The following MAGI3 variants were observed in gnomAD, a reference collection of about 807,000 sequenced individuals.
The protein encoded by MAGI3 is membrane-associated guanylate kinase, WW and PDZ domain-containing protein 3.
MAGI3 carries 43 observed loss-of-function variants against 121.8 expected under a neutral mutation model. That is an observed-to-expected ratio of 0.35 (90% CI 0.28 to 0.46). The LOEUF (loss-of-function observed/expected upper bound fraction) is 0.46. Ranked by LOEUF, MAGI3 falls within the 20% of genes least tolerant of loss-of-function variation. The probability of loss-of-function intolerance (pLI) is 1.00; values close to 1 mark genes in which losing one functional copy is unlikely to be tolerated. For missense variants in MAGI3, 1,547 were observed against 1,797.3 expected, an observed-to-expected ratio of 0.86 and a Z score of 2.52; for synonymous variants, 553 against 639.3, an observed-to-expected ratio of 0.86 and a Z score of 2.04.
At chr1:113,607,100 T>G (rs1649820582) in intron 6 of MAGI3, among the ~76,000 whole-genome samples, 1 of 152,170 alleles carries the variant, frequency 6.6e-6, no homozygotes, top group South Asian at 2.1e-4. Context: ...TTCTCTCTCT[T>G]TAATACATCT....
intron 9 of MAGI3, among the ~76,000 whole-genome samples, chr1:113,632,260 G>T (rs1202218078): frequency 1.3e-5 from 2 of 152,040 alleles, no homozygotes; most frequent in Admixed American, 1.3e-4. Context: ...TTTGTTTTCA[G>T]TTTTGACCTT....
intron 1 of MAGI3, among the ~76,000 whole-genome samples, chr1:113,416,426 A>G (rs1167342249): frequency 2.4e-5 from 3 of 123,158 alleles, no homozygotes; most frequent in Non-Finnish European, 4.9e-5. Context: ...ATAATTAATA[A>G]TATATATTAA....
intron 1 of MAGI3, among the ~76,000 whole-genome samples, chr1:113,491,144 G>A (rs945385054): frequency 6.6e-6 from 1 of 152,132 alleles, no homozygotes; most frequent in African/African-American, 2.4e-5. Flanking sequence ...ACACTCCTCA[G>A]TAAATGCAAA....
intron 1 of MAGI3, among the ~76,000 whole-genome samples, chr1:113,458,987 TA>T (rs1193361915): frequency 6.6e-6 from 1 of 152,198 alleles, no homozygotes; most frequent in Non-Finnish European, 1.5e-5. Context: ...TGAAGACACA[TA>T]CATATTCAAA....
intron 2 of MAGI3, among the ~76,000 whole-genome samples, chr1:113,563,969 G>A (rs1446432531): frequency 6.6e-6 from 1 of 152,168 alleles, no homozygotes; most frequent in Non-Finnish European, 1.5e-5. Flanking sequence ...TTCCAAGTTT[G>A]TTCCTTATTT....
At chr1:113,553,077 T>C (rs1415784190) in intron 2 of MAGI3, among the ~76,000 whole-genome samples, 2 of 152,066 alleles carry the variant, frequency 1.3e-5, no homozygotes, top group Non-Finnish European at 2.9e-5. Context: ...AGCAACAACG[T>C]TGAAAAAAGA....
At chr1:113,487,053 A>C (rs967296954) in intron 1 of MAGI3, among the ~76,000 whole-genome samples, 1 of 152,156 alleles carries the variant, frequency 6.6e-6, no homozygotes. Flanking sequence ...TTTCTTGTCA[A>C]GTTTTCTTTT....
Position 113,390,923 on chromosome 1 carries a change from C to G in MAGI3, c.-111C>G, listed in dbSNP as rs922870674. 1.3e-6 allele frequency: 1 copy of G among 799,998 alleles called. No individual in the cohort carries two copies. The highest frequency in any genetic ancestry group is 1.8e-5 in the African/African-American group (1 of 54,596). The allele number at this position is 799,998 out of a possible 1,614,324, so 49.6% of individuals were successfully genotyped here. On this transcript the variant is annotated 5_prime_UTR_variant, in exon 1 of 21. Coordinates refer to ENST00000307546, the MANE Select transcript of MAGI3 (RefSeq NM_001142782.2). ...CGGGGTGGGGGCCGGAGCGGCGAGG[C>G]CCCCCTTACCGGGCTGCGCGGGCCG...
chr1:113,581,195 C>T (rs1648001526), intron 3 of MAGI3: 1 of 152,068 alleles, frequency 6.6e-6, no homozygotes, highest in Admixed American at 6.6e-5. Context: ...ATCTATTTTT[C>T]CCCTTATGTA....
At chr1:113,517,128 A>T (rs568012111) in intron 1 of MAGI3, among the ~76,000 whole-genome samples, 1 of 152,034 alleles carries the variant, frequency 6.6e-6, no homozygotes, top group South Asian at 2.1e-4. Context: ...GGGAAAAAAA[A>T]CTTTAGGTAA....
intron 1 of MAGI3, among the ~76,000 whole-genome samples, chr1:113,426,510 T>G (rs1653015472): frequency 1.3e-5 from 2 of 152,220 alleles, no homozygotes; most frequent in African/African-American, 4.8e-5. Context: ...TCTATAATTG[T>G]GGACTTGTCT....
chr1:113,622,757 T>G, intron 8 of MAGI3, 49 bp from the exon 9 acceptor site: 1 of 1,422,014 alleles, frequency 7.0e-7, no homozygotes, highest in Non-Finnish European at 9.5e-7. Flanking sequence ...GAGTGCTATA[T>G]TCATTGTAAT....
At chr1:113,590,761 C>T (rs1046627798) in intron 5 of MAGI3, 103 bp downstream of exon 5, 2 of 1,042,416 alleles carry the variant, frequency 1.9e-6, no homozygotes. Context: ...TCAGAAGACT[C>T]ATTTTTTTTC....
intron 1 of MAGI3, among the ~76,000 whole-genome samples, chr1:113,476,397 G>A (rs1267085054): frequency 1.3e-5 from 2 of 152,164 alleles, no homozygotes; most frequent in South Asian, 2.1e-4. Context: ...CTTTAAATGT[G>A]TCCCAGAGAT....
intron 1 of MAGI3, among the ~76,000 whole-genome samples, chr1:113,496,520 G>C (rs1419965483): frequency 6.6e-6 from 1 of 152,128 alleles, no homozygotes; most frequent in Non-Finnish European, 1.5e-5. Context: ...GAGTGTCTTA[G>C]AATTTCACAA....
chr1:113,506,540 C>A (rs1657336853), intron 1 of MAGI3, among the ~76,000 whole-genome samples: 1 of 151,990 alleles, frequency 6.6e-6, no homozygotes, highest in Admixed American at 6.6e-5. Flanking sequence ...GTAACAAAAA[C>A]CACTTATTGT....
chr1:113,672,790 C>T, intron 18 of MAGI3, 49 bp downstream of exon 18: 1 of 1,555,250 alleles, frequency 6.4e-7, no homozygotes, highest in Non-Finnish European at 8.7e-7. Flanking sequence ...AGTTGCCATA[C>T]CACTGGCATT....
At chr1:113,574,098 G>A (rs988469798) in intron 2 of MAGI3, among the ~76,000 whole-genome samples, 1 of 151,994 alleles carries the variant, frequency 6.6e-6, no homozygotes, top group African/African-American at 2.4e-5. Flanking sequence ...TTGCACATGA[G>A]ATGGGTCTCC....
At chr1:113,416,007 T>TATATTAATTATGTAATTAATGACAC (rs1393419597) in intron 1 of MAGI3, among the ~76,000 whole-genome samples, 10 of 86,420 alleles carry the variant, frequency 1.2e-4, no homozygotes, top group African/African-American at 3.7e-4. Flanking sequence ...ATTAATTACA[T>TATATTAATTATGTAATTAATGACAC]ATATTAATTA....
Sources: allele counts gnomAD v4.1 joint callset (sites outside exome capture counted in the v4.1 genomes callset), GRCh38; gene constraint gnomAD v4.1.1; transcripts MANE v1.5; gene names NCBI Gene and HGNC (gene_info 2026-07-23, HGNC 2026-07-21).